BMF: variants seen among roughly 807,000 people sequenced by gnomAD.
BMF encodes Bcl2 modifying factor, also known as bcl-2-modifying factor.
In BMF, 10 loss-of-function variants were observed where a neutral mutation model predicts 22.0. That is an observed-to-expected ratio of 0.45 (90% CI 0.28 to 0.77). The LOEUF is 0.77. Ranked by LOEUF, BMF falls within the 30% of genes least tolerant of loss-of-function variation. BMF has a pLI of 0.13. For synonymous variants in BMF, 87 were observed against 88.1 expected (o/e 0.99, Z 0.07); for missense variants, 206 against 226.8 (o/e 0.91, Z 0.59).
At chr15:40,105,301 C>T (rs1308126379) in intron 3 of BMF, among the ~76,000 whole-genome samples, 1 of 152,248 alleles carries the variant, frequency 6.6e-6, no homozygotes, top group Non-Finnish European at 1.5e-5. Flanking sequence ...CATCCCCTCT[C>T]CTGGCATTGG....
rs2036234763 is a variant in BMF at position 40,091,708 on chromosome 15, C to T, written c.*79G>A. 9.7e-7 allele frequency: 1 copy of T among 1,029,158 alleles called. No homozygotes were observed. The highest frequency in any genetic ancestry group is 2.6e-5 in the Admixed American group (1 of 38,002). The allele number at this position is 1,029,158 out of a possible 1,614,324, so 63.8% of individuals were successfully genotyped here. A position where few individuals can be genotyped will look rare whatever the true frequency, so the allele number is the denominator to read the frequency against. On this transcript the variant is annotated 3_prime_UTR_variant, in exon 5 of 5. Coordinates refer to ENST00000354670, the MANE Select transcript of BMF (RefSeq NM_001003940.2). The stretch of plus-strand genomic sequence containing the variant: ...ACAACAAAAAAACAATTTCACAAGA[C>T]ACAGTGTCAGTCCTGCCCGATGTCC...
chr15:40,100,867 A>G (rs1181528693), intron 4 of BMF, among the ~76,000 whole-genome samples: 1 of 152,152 alleles, frequency 6.6e-6, no homozygotes, highest in Non-Finnish European at 1.5e-5. Flanking sequence ...CAAAAAAACG[A>G]GTAACTCAGG....
intron 4 of BMF, among the ~76,000 whole-genome samples, chr15:40,093,901 A>G (rs2036300707): frequency 6.6e-6 from 1 of 152,180 alleles, no homozygotes; most frequent in East Asian, 1.9e-4. Flanking sequence ...CAGCATCAGA[A>G]GATTCCCCAG....
chr15:40,090,844 G>A lies in BMF; in HGVS notation c.*943C>T, dbSNP rs1187165754. 6.6e-6 allele frequency: 1 copy of A among 152,270 alleles called. No individual in the cohort carries two copies. The highest frequency in any genetic ancestry group is 1.9e-4 in the East Asian group (1 of 5,204). The allele number at this position is 152,270 out of a possible 1,614,324, so 9.4% of individuals were successfully genotyped here. ...TGGTAGGGTGGCCACCATATTTTCC[G>A]GCCCCACTGCAAACTTGCCCCCGAT... On this transcript the variant is annotated 3_prime_UTR_variant, in exon 5 of 5. Coordinates refer to ENST00000354670, the MANE Select transcript of BMF (RefSeq NM_001003940.2).
At chr15:40,105,141 T>C (rs1046061463) in intron 3 of BMF, among the ~76,000 whole-genome samples, 2 of 152,166 alleles carry the variant, frequency 1.3e-5, no homozygotes, top group African/African-American at 2.4e-5. Flanking sequence ...TAAGCCACGC[T>C]CCTAGCCTTT....
Position 40,089,701 on chromosome 15 carries a change from T to G in BMF, c.*2086A>C, listed in dbSNP as rs1210496936. The G allele has an allele frequency of 2.0e-5, 3 of 152,214 alleles. No individual in the cohort carries two copies. The highest frequency in any genetic ancestry group is 4.4e-5 in the Non-Finnish European group (3 of 68,060). The allele number at this position is 152,214 out of a possible 1,614,324, so 9.4% of individuals were successfully genotyped here. On this transcript the variant is annotated 3_prime_UTR_variant, in exon 5 of 5. Coordinates refer to ENST00000354670, the MANE Select transcript of BMF (RefSeq NM_001003940.2). ...AGGGGTGAATAGTGGCTGCTGTAAA[T>G]AATCCCGGTTTTTTGGTGTGTGCCA...
intron 4 of BMF, among the ~76,000 whole-genome samples, chr15:40,103,597 T>G (rs1473050782): frequency 6.6e-6 from 1 of 152,202 alleles, no homozygotes; most frequent in Non-Finnish European, 1.5e-5. Flanking sequence ...AGCGCCCGGC[T>G]GGCCGCCGGT....
chr15:40,088,564 AG>A lies in BMF; in HGVS notation c.*3222del, dbSNP rs2036174900. ...TGGGGTAGCATGCTCCTTGCTGTCC[AG>A]GACAGTCACCGTGGCTCCACAGCAC... On this transcript the variant is annotated 3_prime_UTR_variant, in exon 5 of 5. Coordinates refer to ENST00000354670, the MANE Select transcript of BMF (RefSeq NM_001003940.2). 1 of 152,370 alleles carries A rather than the reference AG, an allele frequency of 6.6e-6. No individual in the cohort carries two copies. The highest frequency in any genetic ancestry group is 2.1e-4 in the South Asian group (1 of 4,838). 9.4% of individuals were successfully genotyped at this position (152,370 alleles called of 1,614,324 possible).
At chr15:40,093,315 G>A (rs544528885) in intron 4 of BMF, among the ~76,000 whole-genome samples, 51 of 152,328 alleles carry the variant, frequency 3.3e-4, no homozygotes, top group African/African-American at 8.9e-4. Context: ...TCCTTCCCCC[G>A]TGGAAGAGCC....
At position 40,090,032 on chromosome 15, in the gene BMF, C is replaced by T. The variant is rs968953762; in HGVS notation, c.*1755G>A. 2.0e-5 allele frequency: 3 copies of T among 152,572 alleles called. No individual in the cohort carries two copies. Among genetic ancestry groups the T allele is most frequent in the African/African-American group, 7.2e-5 (3 of 41,442 alleles). 9.5% of individuals were successfully genotyped at this position (152,572 alleles called of 1,614,324 possible). On this transcript the variant is annotated 3_prime_UTR_variant, in exon 5 of 5. Coordinates refer to ENST00000354670, the MANE Select transcript of BMF (RefSeq NM_001003940.2). ...AAGGCTTACATGCACAGTTTGAGGC[C>T]CTTCTCCTCCAGGGTGCTGTGAGCC...
At chr15:40,099,454 C>G (rs1402325274) in intron 4 of BMF, among the ~76,000 whole-genome samples, 1 of 152,170 alleles carries the variant, frequency 6.6e-6, no homozygotes, top group Non-Finnish European at 1.5e-5. Context: ...CCTAAAGGCC[C>G]TTCACATCAA....
chr15:40,098,383 A>G (rs1555427952), intron 4 of BMF, among the ~76,000 whole-genome samples: 1 of 152,168 alleles, frequency 6.6e-6, no homozygotes, highest in Non-Finnish European at 1.5e-5. Flanking sequence ...AGCTGAGAAC[A>G]GCTCCATCAA....
In BMF at chr15:40,106,144, T is replaced by C; in HGVS notation, c.-5-53A>G. The C allele has an allele frequency of 1.3e-6, 2 of 1,518,452 alleles. No homozygotes were observed. Among genetic ancestry groups the C allele is most frequent in the Non-Finnish European group, 1.8e-6 (2 of 1,135,908 alleles). The allele number at this position is 1,518,452 out of a possible 1,614,324, so 94.1% of individuals were successfully genotyped here. A position where few individuals can be genotyped will look rare whatever the true frequency, so the allele number is the denominator to read the frequency against. On this transcript the variant is annotated intron_variant, in intron 2 of 4. Coordinates refer to ENST00000354670, the MANE Select transcript of BMF (RefSeq NM_001003940.2). This position sits in a 1 kb window ranked among gnomAD's most constrained non-coding sequence, Gnocchi z 4.1. ...GCTGCTGCCCCACCAGGGCCATACCTGGAAGGACTCCCCTTCCCTTCTTCC... is the reference window on the plus strand; with the variant it reads ...GCTGCTGCCCCACCAGGGCCATACCCGGAAGGACTCCCCTTCCCTTCTTCC...
Position 40,091,622 on chromosome 15 carries a change from C to T in BMF, c.*165G>A, listed in dbSNP as rs2036232027. On this transcript the variant is annotated 3_prime_UTR_variant, in exon 5 of 5. Transcript: ENST00000354670. ...AAGGGCCTGACAGAGAAAGAAGGTC[C>T]CGCTTGAGTATGTTGTATGTACACT... The T allele has an allele frequency of 3.5e-6, 2 of 578,830 alleles. No homozygotes were observed. Among genetic ancestry groups the T allele is most frequent in the African/African-American group, 1.9e-5 (1 of 53,636 alleles). 35.9% of individuals were successfully genotyped at this position (578,830 alleles called of 1,614,324 possible).
chr15:40,102,839 G>T (rs1037845238), intron 4 of BMF, among the ~76,000 whole-genome samples: 2 of 152,172 alleles, frequency 1.3e-5, no homozygotes. Context: ...GACTGAAGGG[G>T]AAACTCGAAG....
chr15:40,106,176 A>C lies in BMF; in HGVS notation c.-5-85T>G. ...ACTCCCCTTCCCTTCTTCCTACCATACTCCCCCTTCTTATTTGAGCTGGCC... is the reference window on the plus strand; with the variant it reads ...ACTCCCCTTCCCTTCTTCCTACCATCCTCCCCCTTCTTATTTGAGCTGGCC... On this transcript the variant is annotated intron_variant, in intron 2 of 4. Coordinates refer to ENST00000354670, the MANE Select transcript of BMF (RefSeq NM_001003940.2). This position sits in a 1 kb window ranked among gnomAD's most constrained non-coding sequence, Gnocchi z 4.1. The C allele has an allele frequency of 7.0e-7, 1 of 1,427,586 alleles. No homozygotes were observed. Among genetic ancestry groups the C allele is most frequent in the Non-Finnish European group, 9.3e-7 (1 of 1,075,990 alleles). The allele number at this position is 1,427,586 out of a possible 1,614,324, so 88.4% of individuals were successfully genotyped here.
At chr15:40,104,128 G>GC in intron 4 of BMF, 52 bp downstream of exon 4, 1 of 1,603,374 alleles carries the variant, frequency 6.2e-7, no homozygotes. Flanking sequence ...GCAGGCCCTG[G>GC]CCCCCAAGCC....
rs74009116 is a variant in BMF, at chr15:40,097,365, G to T, written c.454-5477C>A. ...CTAAGAGTTATGTGGATACAAAGAT[G>T]ATTAAAATATTATAAACTTGGTTCT... is the stretch of plus-strand genomic sequence containing the variant. On this transcript the variant is annotated intron_variant, in intron 4 of 4. Coordinates refer to ENST00000354670, the MANE Select transcript of BMF (RefSeq NM_001003940.2). Among the ~76,000 whole-genome samples the T allele has an allele frequency of 5.4e-3, 817 of 152,328 alleles. 6 individuals carry two copies. The highest frequency in any genetic ancestry group is 0.019 in the African/African-American group (790 of 41,574).
At chr15:40,092,863 G>A (rs545644983) in intron 4 of BMF, among the ~76,000 whole-genome samples, 12 of 152,186 alleles carry the variant, frequency 7.9e-5, no homozygotes, top group South Asian at 2.1e-4. Context: ...AGGACTGGGC[G>A]GGGGCCTCTC....
Sources: allele counts gnomAD v4.1 joint callset (sites outside exome capture counted in the v4.1 genomes callset), GRCh38; gene constraint gnomAD v4.1.1; non-coding constraint Gnocchi (gnomAD v3.1); transcripts MANE v1.5; gene names NCBI Gene and HGNC (gene_info 2026-07-23, HGNC 2026-07-21).